Variants in FAM135B observed in about 807,000 individuals in gnomAD.
FAM135B encodes family with sequence similarity 135 member B.
Under a neutral mutation model 127.7 loss-of-function variants are expected in FAM135B, and 43 were observed. The observed-to-expected ratio is 0.34, with a 90% CI of 0.26 to 0.43. The LOEUF (loss-of-function observed/expected upper bound fraction) is 0.43, where lower values mean the gene tolerates loss of function less well. Among genes scored for constraint, FAM135B ranks in the 20% least tolerant of loss-of-function variants. FAM135B has a pLI of 1.00. For synonymous variants in FAM135B, 670 were observed against 665.1 expected, an observed-to-expected ratio of 1.01 and a Z score of -0.11; for missense variants, 1,558 against 1,725.6, an observed-to-expected ratio of 0.90 and a Z score of 1.72.
chr8:138,417,092 T>A (rs1249488287), intron 1 of FAM135B, among the ~76,000 whole-genome samples: 1 of 152,210 alleles, frequency 6.6e-6, no homozygotes, highest in Non-Finnish European at 1.5e-5. Flanking sequence ...ACAACTATAG[T>A]GGAGCACAGT....
At chr8:138,464,233 C>T (rs1242751187) in intron 1 of FAM135B, among the ~76,000 whole-genome samples, 2 of 152,048 alleles carry the variant, frequency 1.3e-5, no homozygotes, top group Admixed American at 6.6e-5. Context: ...AATGTCAGCC[C>T]GATGGATACA....
chr8:138,350,616 A>C (rs1477478837), intron 2 of FAM135B, among the ~76,000 whole-genome samples: 2 of 152,192 alleles, frequency 1.3e-5, no homozygotes, highest in Non-Finnish European at 2.9e-5. Flanking sequence ...TGTTCCATTG[A>C]ATACACTGGA....
intron 7 of FAM135B, among the ~76,000 whole-genome samples, chr8:138,219,682 T>C (rs1818871231): frequency 6.6e-6 from 1 of 152,128 alleles, no homozygotes; most frequent in African/African-American, 2.4e-5. Context: ...ACGTGTTCAT[T>C]CTCTCTCTTA....
chr8:138,164,247 T>C (rs190902541), intron 12 of FAM135B, among the ~76,000 whole-genome samples: 73 of 152,202 alleles, frequency 4.8e-4, no homozygotes, highest in African/African-American at 1.7e-3. Context: ...GGTACAGATA[T>C]TTCTGTAAAA....
chr8:138,238,822 G>A (rs904873955), intron 7 of FAM135B, among the ~76,000 whole-genome samples: 1 of 152,206 alleles, frequency 6.6e-6, no homozygotes, highest in African/African-American at 2.4e-5. Context: ...AAGGCACAGG[G>A]TGGGTGCACA....
At chr8:138,268,469 C>G (rs889132289) in intron 3 of FAM135B, among the ~76,000 whole-genome samples, 1 of 151,896 alleles carries the variant, frequency 6.6e-6, no homozygotes, top group African/African-American at 2.4e-5. Flanking sequence ...CTTTCTGGGT[C>G]AACTCCTCAC....
intron 1 of FAM135B, among the ~76,000 whole-genome samples, chr8:138,449,058 T>C (rs1380685590): frequency 1.3e-5 from 2 of 152,210 alleles, no homozygotes; most frequent in Non-Finnish European, 2.9e-5. Flanking sequence ...CTAATATGTT[T>C]ACTATAAATA....
At chr8:138,487,696 T>C (rs909861035) in intron 1 of FAM135B, among the ~76,000 whole-genome samples, 1 of 151,860 alleles carries the variant, frequency 6.6e-6, no homozygotes, top group African/African-American at 2.4e-5. Context: ...TCAACTGAAG[T>C]TTAAAACACA....
In FAM135B at chr8:138,131,833, C is replaced by T. The variant is rs2130471920; in HGVS notation, c.*760G>A. The T allele has an allele frequency of 6.5e-6, 1 of 152,754 alleles. No homozygotes were observed. The highest frequency in any genetic ancestry group is 1.9e-4 in the East Asian group (1 of 5,178). The allele number at this position is 152,754 out of a possible 1,614,324, so 9.5% of individuals were successfully genotyped here. A position where few individuals can be genotyped will look rare whatever the true frequency, so the allele number is the denominator to read the frequency against. On this transcript the variant is annotated 3_prime_UTR_variant, in exon 20 of 20. Coordinates refer to ENST00000395297, the MANE Select transcript of FAM135B (RefSeq NM_015912.4). ...CTACAGACAAAGATGTAAGCAATCA[C>T]TAAAATAATTTGTGGATCAGGGCTC... is the stretch of plus-strand genomic sequence containing the variant.
At chr8:138,218,343 C>T (rs1432689568) in intron 7 of FAM135B, among the ~76,000 whole-genome samples, 2 of 152,170 alleles carry the variant, frequency 1.3e-5, no homozygotes, top group East Asian at 3.9e-4. Context: ...AATCACTCTA[C>T]ACATTAATCA....
At chr8:138,480,487 T>C (rs1466478953) in intron 1 of FAM135B, among the ~76,000 whole-genome samples, 5 of 152,208 alleles carry the variant, frequency 3.3e-5, no homozygotes. Flanking sequence ...AAAGACAGAC[T>C]GTGAAATAGG....
chr8:138,212,814 A>T (rs1156310045), intron 7 of FAM135B, among the ~76,000 whole-genome samples: 1 of 152,226 alleles, frequency 6.6e-6, no homozygotes, highest in African/African-American at 2.4e-5. Flanking sequence ...ATTTAATCTA[A>T]TTGGGAACAA....
At chr8:138,195,897 G>C (rs1239241809) in intron 8 of FAM135B, among the ~76,000 whole-genome samples, 1 of 152,048 alleles carries the variant, frequency 6.6e-6, no homozygotes, top group Non-Finnish European at 1.5e-5. Context: ...GCTGTGGTCA[G>C]TCATTTGCAC....
intron 3 of FAM135B, among the ~76,000 whole-genome samples, chr8:138,275,029 A>C (rs1823710783): frequency 6.6e-6 from 1 of 152,230 alleles, no homozygotes; most frequent in South Asian, 2.1e-4. Context: ...AGACAGGCAT[A>C]GGAAATCACA....
At chr8:138,172,142 T>C (rs1324942406) in intron 11 of FAM135B, among the ~76,000 whole-genome samples, 1 of 152,212 alleles carries the variant, frequency 6.6e-6, no homozygotes, top group Non-Finnish European at 1.5e-5. Flanking sequence ...CAACTTTCTC[T>C]CTGAATTAAG....
chr8:138,456,789 A>C (rs906125766), intron 1 of FAM135B, among the ~76,000 whole-genome samples: 11 of 152,194 alleles, frequency 7.2e-5, no homozygotes, highest in African/African-American at 2.7e-4. Context: ...TTCATATTGT[A>C]AGGGAAAGCA....
intron 7 of FAM135B, among the ~76,000 whole-genome samples, chr8:138,224,341 C>T (rs139433585): frequency 6.5e-4 from 99 of 152,304 alleles, no homozygotes; most frequent in African/African-American, 2.1e-3. Flanking sequence ...GAAAGTCATC[C>T]AGCATCAAAT....
intron 1 of FAM135B, among the ~76,000 whole-genome samples, chr8:138,431,708 A>G (rs182411429): frequency 2.4e-4 from 36 of 152,344 alleles, no homozygotes; most frequent in Non-Finnish European, 4.4e-4. Flanking sequence ...TGAGGAAGAC[A>G]ATATCATGTC....
At chr8:138,342,133 C>A (rs1325277962) in intron 2 of FAM135B, among the ~76,000 whole-genome samples, 1 of 152,210 alleles carries the variant, frequency 6.6e-6, no homozygotes, top group Non-Finnish European at 1.5e-5. Flanking sequence ...CCACAAAACA[C>A]CATGAAATAG....
Sources: allele counts gnomAD v4.1 joint callset (sites outside exome capture counted in the v4.1 genomes callset), GRCh38; gene constraint gnomAD v4.1.1; transcripts MANE v1.5; gene names NCBI Gene and HGNC (gene_info 2026-07-23, HGNC 2026-07-21).